The following PRKDC variants were observed in gnomAD, a reference collection of about 807,000 sequenced individuals.
PRKDC encodes the protein DNA-dependent protein kinase catalytic subunit.
A neutral mutation model predicts 486.9 loss-of-function variants in PRKDC; 82 were observed. That is an observed-to-expected ratio of 0.17 (90% CI 0.14 to 0.20). The LOEUF (loss-of-function observed/expected upper bound fraction) is 0.20. Ranked by LOEUF, PRKDC falls within the 10% of genes least tolerant of loss-of-function variation. PRKDC has a pLI of 1.00. For missense variants in PRKDC, 4,504 were observed against 5,038.2 expected (o/e 0.89, Z 3.21); for synonymous variants, 1,895 against 1,837.0 (o/e 1.03, Z -0.81).
intron 61 of PRKDC, among the ~76,000 whole-genome samples, 170 bp from the exon 62 acceptor site, chr8:47,828,517 T>A (rs2087789961): frequency 6.6e-6 from 1 of 152,210 alleles, no homozygotes; most frequent in Admixed American, 6.5e-5. Context: ...ATTTGGAATT[T>A]AACCAAATGT....
chr8:47,812,474 C>T (rs1178359529), intron 68 of PRKDC, among the ~76,000 whole-genome samples: 1 of 152,112 alleles, frequency 6.6e-6, no homozygotes, highest in Non-Finnish European at 1.5e-5. Context: ...CTAAGATAGC[C>T]AGAAAACCCA....
intron 76 of PRKDC, among the ~76,000 whole-genome samples, chr8:47,787,755 T>A (rs2086814590): frequency 6.6e-6 from 1 of 152,292 alleles, no homozygotes; most frequent in South Asian, 2.1e-4. Flanking sequence ...ACGTGCACAC[T>A]GGCTGAGGTA....
chr8:47,881,835 C>G, intron 37 of PRKDC, 77 bp downstream of exon 37: 12 of 1,260,360 alleles, frequency 9.5e-6, no homozygotes, highest in Non-Finnish European at 1.3e-5. Context: ...TTTGGAGCAA[C>G]CTCCATCAAA....
In PRKDC at chr8:47,939,673, C is replaced by T. The variant is rs751671583; in HGVS notation, c.991G>A (p.Ala331Thr). The T allele has an allele frequency of 2.6e-5, 41 of 1,603,408 alleles. No homozygotes were observed. Among genetic ancestry groups the T allele is most frequent in the Non-Finnish European group, 3.2e-5 (38 of 1,175,688 alleles). Residue 331 changes from alanine (A) to threonine (T), a missense_variant, in exon 11 of 86, where the codon GCA becomes ACA. By Grantham distance (58) the Ala-to-Thr change is moderately conservative. This residue lies in a region of PRKDC where 1,969 missense variants were observed against 2,068.9 expected (regional missense o/e 0.95). Transcript: ENST00000314191. ...TGCAGTTTATTTTTATGCATTTCTG[C>T]ATTTTTCGCCACCATATTAGAAACC... Reference protein sequence around the residue: ...KQVSNMVAKNAEMHKNKLQYF... With the variant: ...KQVSNMVAKNTEMHKNKLQYF...
chr8:47,853,278 G>A (rs1474711760), intron 51 of PRKDC, among the ~76,000 whole-genome samples: 18 of 152,346 alleles, frequency 1.2e-4, no homozygotes, highest in Admixed American at 1.1e-3. Context: ...GCCAGTGACT[G>A]TCTAAAAGGA....
intron 22 of PRKDC, among the ~76,000 whole-genome samples, chr8:47,916,028 G>A (rs2089976627): frequency 6.6e-6 from 1 of 152,082 alleles, no homozygotes; most frequent in Non-Finnish European, 1.5e-5. Context: ...TGTATAATTT[G>A]GAAACATCAT....
chr8:47,874,821 G>A (rs532459584), intron 40 of PRKDC, among the ~76,000 whole-genome samples: 13 of 152,222 alleles, frequency 8.5e-5, no homozygotes, highest in Admixed American at 2.0e-4. Flanking sequence ...TTGGAAGGCC[G>A]AGGCAGGCAG....
intron 74 of PRKDC, among the ~76,000 whole-genome samples, chr8:47,792,687 C>T (rs1300509877): frequency 6.6e-6 from 1 of 152,146 alleles, no homozygotes; most frequent in Non-Finnish European, 1.5e-5. Context: ...GATTGTTACA[C>T]ACTGTATGCC....
rs1191091984 is a variant in PRKDC, at chr8:47,893,144, A to C, written c.3842T>G (p.Val1281Gly). Residue 1281 changes from valine (V) to glycine (G), a missense_variant, in exon 31 of 86, where the codon GTC becomes GGC. By Grantham distance (109) the Val-to-Gly change is moderately radical. Transcript: ENST00000314191. ...ATAAGGCAAGGGTGACCTACCTAGGACCTGGAGCGCTCCTACAGTTCTCTC... is the reference window on the plus strand; with the variant it reads ...ATAAGGCAAGGGTGACCTACCTAGGCCCTGGAGCGCTCCTACAGTTCTCTC... ...IGERTVGALQVLGTEAQSSLL... is the reference protein window; with the variant it reads ...IGERTVGALQGLGTEAQSSLL... 1 of 1,601,112 alleles carries C rather than the reference A, an allele frequency of 6.2e-7. No homozygotes were observed. Among genetic ancestry groups the C allele is most frequent in the Admixed American group, 1.7e-5 (1 of 59,560 alleles).
At chr8:47,832,917 G>A (rs565870009) in intron 59 of PRKDC, among the ~76,000 whole-genome samples, 29 of 152,330 alleles carry the variant, frequency 1.9e-4, no homozygotes, top group African/African-American at 6.7e-4. Context: ...AAAGACCCAC[G>A]TTCTCACAAA....
chr8:47,808,564 T>C (rs893507621), intron 68 of PRKDC, among the ~76,000 whole-genome samples: 2 of 152,098 alleles, frequency 1.3e-5, no homozygotes, highest in African/African-American at 4.8e-5. Context: ...AGCCTTGAAT[T>C]CCTGGGCTCA....
At chr8:47,897,085 C>T (rs943495678) in intron 30 of PRKDC, 76 bp downstream of exon 30, 24 of 1,415,678 alleles carry the variant, frequency 1.7e-5, no homozygotes, top group Non-Finnish European at 2.1e-5. Context: ...TACCCAATTA[C>T]TCAATTCTTC....
intron 64 of PRKDC, among the ~76,000 whole-genome samples, chr8:47,823,399 C>T (rs2087650260): frequency 6.6e-6 from 1 of 151,754 alleles, no homozygotes; most frequent in South Asian, 2.1e-4. Context: ...AATGCCTACT[C>T]CTGCTTCGCC....
At position 47,947,628 on chromosome 8, in the gene PRKDC, G is replaced by A. The variant is rs57995215; in HGVS notation, c.722-3599C>T. 3.9e-5 allele frequency among the ~76,000 whole-genome samples: 6 copies of A among 152,274 alleles called. No individual in the cohort carries two copies. In the East Asian group the frequency reaches 1.2e-3, roughly 29 times the overall value. ...ACAAAAAATACAAAAATTAGTTGGGGCCGGGTACAGTGGCTTATGCCTGTA... is the reference window on the plus strand; with the variant it reads ...ACAAAAAATACAAAAATTAGTTGGGACCGGGTACAGTGGCTTATGCCTGTA... On this transcript the variant is annotated intron_variant, in intron 7 of 85. Coordinates refer to ENST00000314191, the MANE Select transcript of PRKDC (RefSeq NM_006904.7).
At chr8:47,956,006 A>G (rs1338880062) in intron 3 of PRKDC, 58 bp from the exon 4 acceptor site, 2 of 1,242,050 alleles carry the variant, frequency 1.6e-6, no homozygotes, top group Middle Eastern at 2.2e-4. Context: ...ACTAAGACTC[A>G]GCAATACCTG....
In PRKDC at chr8:47,946,505, T is replaced by G. The variant is rs2090534351; in HGVS notation, c.722-2476A>C. Among the ~76,000 whole-genome samples the G allele has an allele frequency of 2.0e-5, 3 of 152,038 alleles. No individual in the cohort carries two copies. In the South Asian group the frequency reaches 6.2e-4, roughly 32 times the overall value. On this transcript the variant is annotated intron_variant, in intron 7 of 85. Transcript: ENST00000314191. ...GTTCTCGTGGAGCTGAACCCACCAC[T>G]TACTGCCAGTTCCTCCTCCTCCCCA...
At chr8:47,907,846 C>T (rs1218553369) in intron 25 of PRKDC, among the ~76,000 whole-genome samples, 1 of 152,138 alleles carries the variant, frequency 6.6e-6, no homozygotes, top group African/African-American at 2.4e-5. Context: ...AGGCAGAGCT[C>T]CTGTCTTCCT....
At chr8:47,957,301 G>A (rs2090720060) in intron 2 of PRKDC, 38 bp from the exon 3 acceptor site, 1 of 1,578,416 alleles carries the variant, frequency 6.3e-7, no homozygotes, top group South Asian at 1.1e-5. Context: ...ATATGGGTAA[G>A]AGGAGTCACT....
At chr8:47,834,112 T>C in intron 59 of PRKDC, 84 bp downstream of exon 59, 1 of 1,508,148 alleles carries the variant, frequency 6.6e-7, no homozygotes, top group East Asian at 2.3e-5. Flanking sequence ...GAAACATGGA[T>C]ACAGTCAGAA....
Sources: allele counts gnomAD v4.1 joint callset (sites outside exome capture counted in the v4.1 genomes callset), GRCh38; gene constraint gnomAD v4.1.1; regional missense constraint gnomAD v4.1.1; transcripts MANE v1.5; gene names NCBI Gene and HGNC (gene_info 2026-07-23, HGNC 2026-07-21).